CD101: variants seen among roughly 807,000 people sequenced by gnomAD.
CD101 encodes the protein immunoglobulin superfamily member 2.
Under a neutral mutation model 98.2 loss-of-function variants are expected in CD101, and 76 were observed. The ratio of observed to expected loss-of-function variants is 0.77; its 90% CI spans 0.64 to 0.94. CD101 has a LOEUF of 0.94. Ranked by LOEUF, CD101 falls within the 40% of genes least tolerant of loss-of-function variation. The pLI, the probability that CD101 is intolerant of heterozygous loss-of-function variation, is 0.00. For missense variants in CD101, 1,145 were observed against 1,218.8 expected, an observed-to-expected ratio of 0.94 and a Z score of 0.90; for synonymous variants, 471 against 472.7, an observed-to-expected ratio of 1.00 and a Z score of 0.05.
At position 117,005,394 on chromosome 1, in the gene CD101, C is replaced by T. The variant is rs185317513; in HGVS notation, c.43+3534C>T. ...CTTACCCTGAAAACTGCTGCTTCCA[C>T]TCTATTGAAATCCCTTTTACAAAGA... On this transcript the variant is annotated intron_variant, in intron 1 of 9. Transcript: ENST00000682167. This position sits in a 1 kb window ranked among gnomAD's most constrained non-coding sequence, Gnocchi z 4.4. 1.9e-3 allele frequency among the ~76,000 whole-genome samples: 286 copies of T among 152,290 alleles called. 1 individual carries two copies. Among genetic ancestry groups the T allele is most frequent in the Non-Finnish European group, 3.2e-3 (216 of 68,030 alleles).
At chr1:117,024,251 C>T (rs773505788) in intron 7 of CD101, among the ~76,000 whole-genome samples, 3 of 152,160 alleles carry the variant, frequency 2.0e-5, no homozygotes, top group South Asian at 2.1e-4. Flanking sequence ...CCAAGGTGGG[C>T]GGATCACCTG....
At chr1:117,027,507 A>G (rs2764876) in intron 8 of CD101, among the ~76,000 whole-genome samples, 146,129 of 152,240 alleles carry the variant, frequency 0.96, 70,407 homozygotes, top group East Asian at 1. Context: ...ACATATTTTA[A>G]GAACATGAAA....
At chr1:117,028,102 T>TAAAATAAAATAAAATAAAATAAATA (rs112056134) in intron 8 of CD101, among the ~76,000 whole-genome samples, 1 of 145,450 alleles carries the variant, frequency 6.9e-6, no homozygotes, top group Non-Finnish European at 1.5e-5. Context: ...AATAAATAAA[T>TAAAATAAAATAAAATAAAATAAATA]AAATAAAATA....
rs181133896 is a variant in CD101 at position 117,023,921 on chromosome 1, C to G, written c.2429-1588C>G. Among the ~76,000 whole-genome samples the G allele has an allele frequency of 6.6e-6, 1 of 152,122 alleles. No homozygotes were observed. The highest frequency in any genetic ancestry group is 6.5e-5 in the Admixed American group (1 of 15,270). On this transcript the variant is annotated intron_variant, in intron 7 of 9. Coordinates refer to ENST00000682167, the MANE Select transcript of CD101 (RefSeq NM_001256106.3). This position sits in a 1 kb window ranked among gnomAD's most constrained non-coding sequence, Gnocchi z 4.4. ...AAGTCAATTTCAAGGAGAAATTGGA[C>G]TCCAGTAACAAAAACCACATAGAGG...
In CD101 at chr1:117,025,715, A is replaced by G; in HGVS notation, c.2635A>G (p.Arg879Gly). Reference sequence around the variant, plus strand: ...GCTGGAGTATGGGGAAGAGGGGCTCAGGAGGCACCTGCACTGTTACCGTTC... The same window carrying G: ...GCTGGAGTATGGGGAAGAGGGGCTCGGGAGGCACCTGCACTGTTACCGTTC... ...GLLEYGEEGL[R>G]RHLHCYRSSS... Residue 879 changes from arginine to glycine, a missense_variant, in exon 8 of 10, where the codon AGG becomes GGG. Physicochemically the swap from Arg to Gly is moderately radical, Grantham distance 125. Transcript: ENST00000682167. 6.2e-7 allele frequency: 1 copy of G among 1,614,170 alleles called. No homozygotes were observed. The highest frequency in any genetic ancestry group is 8.5e-7 in the Non-Finnish European group (1 of 1,180,032).
chr1:117,035,618 G>A (rs1306732567), intron 9 of CD101, among the ~76,000 whole-genome samples: 4 of 149,588 alleles, frequency 2.7e-5, no homozygotes, highest in Admixed American at 6.7e-5. Flanking sequence ...GGTGTGACCT[G>A]GGCTCACTGC....
chr1:117,007,591 G>A (rs532817712), intron 1 of CD101, among the ~76,000 whole-genome samples: 2 of 152,162 alleles, frequency 1.3e-5, no homozygotes, highest in Non-Finnish European at 2.9e-5. Context: ...CAAGTGATCT[G>A]CCCACCTTGG....
chr1:117,030,665 C>T (rs938371305), intron 8 of CD101, among the ~76,000 whole-genome samples: 13 of 152,192 alleles, frequency 8.5e-5, no homozygotes, highest in African/African-American at 7.2e-5. Flanking sequence ...TGAGCAGGCA[C>T]GTCTTCAGTT....
At chr1:117,008,751 C>G (rs1450782954) in intron 1 of CD101, among the ~76,000 whole-genome samples, 3 of 152,014 alleles carry the variant, frequency 2.0e-5, no homozygotes, top group African/African-American at 7.2e-5. Flanking sequence ...TCTCCTTACT[C>G]TTTGTCCCTG....
intron 5 of CD101, 132 bp downstream of exon 5, chr1:117,017,605 G>A: frequency 1.2e-6 from 1 of 843,722 alleles, no homozygotes; most frequent in Non-Finnish European, 1.8e-6. Flanking sequence ...CTAGTCTCTG[G>A]CTACCCTCTC....
At chr1:117,027,974 A>C (rs1654064648) in intron 8 of CD101, among the ~76,000 whole-genome samples, 1 of 152,014 alleles carries the variant, frequency 6.6e-6, no homozygotes, top group African/African-American at 2.4e-5. Context: ...AATCCCAGCT[A>C]CTCGGGAGGC....
intron 8 of CD101, among the ~76,000 whole-genome samples, chr1:117,028,119 AATAAG>A (rs796759604): frequency 2.0e-4 from 30 of 151,716 alleles, no homozygotes; most frequent in Non-Finnish European, 2.5e-4. Context: ...AATAAAATAA[AATAAG>A]TGAATTGGAG....
At chr1:117,030,403 CAAAGAG>C (rs1654373453) in intron 8 of CD101, among the ~76,000 whole-genome samples, 2 of 127,210 alleles carry the variant, frequency 1.6e-5, no homozygotes. Context: ...AACAAACAAA[CAAAGAG>C]AGAGAGAGAG....
Position 117,011,606 on chromosome 1 carries a change from G to A in CD101, c.481G>A (p.Gly161Ser). 6.2e-7 allele frequency: 1 copy of A among 1,614,078 alleles called. No individual in the cohort carries two copies. The highest frequency in any genetic ancestry group is 8.5e-7 in the Non-Finnish European group (1 of 1,179,984). ...TTCTCAGACTCTCGGTAAGGAGGAA[G>A]GTGAGCCATTAGCCCTCACCTGTGA... ...MSSQTLGKEE[G>S]EPLALTCEAS... Residue 161 changes from glycine (G) to serine (S), a missense_variant, in exon 3 of 10, where the codon GGT becomes AGT. By Grantham distance (56) the Gly-to-Ser change is moderately conservative. Transcript: ENST00000682167.
At position 117,022,561 on chromosome 1, in the gene CD101, G is replaced by A. The variant is rs553809437; in HGVS notation, c.2428+578G>A. 6.6e-6 allele frequency among the ~76,000 whole-genome samples: 1 copy of A among 152,146 alleles called. No homozygotes were observed. Among genetic ancestry groups the A allele is most frequent in the African/African-American group, 2.4e-5 (1 of 41,432 alleles). Reference sequence around the variant, plus strand: ...TCTAAGAGTGCCACTGTCTAAATGTGGGCAGGGTTGATTAGGTCTCTCAGC... The same window carrying A: ...TCTAAGAGTGCCACTGTCTAAATGTAGGCAGGGTTGATTAGGTCTCTCAGC... On this transcript the variant is annotated intron_variant, in intron 7 of 9. Coordinates refer to ENST00000682167, the MANE Select transcript of CD101 (RefSeq NM_001256106.3). This position sits in a 1 kb window ranked among gnomAD's most constrained non-coding sequence, Gnocchi z 4.8.
intron 3 of CD101, among the ~76,000 whole-genome samples, chr1:117,013,192 T>G (rs984115270): frequency 6.6e-6 from 1 of 152,218 alleles, no homozygotes; most frequent in African/African-American, 2.4e-5. Context: ...GAAAACCATG[T>G]GTACTGTCCT....
intron 8 of CD101, chr1:117,032,281 C>G (rs931574016): frequency 6.6e-6 from 1 of 152,150 alleles, no homozygotes; most frequent in Non-Finnish European, 1.5e-5. Flanking sequence ...TCCCTGGGTT[C>G]CCATGTGTGG....
At chr1:117,029,847 G>C in intron 8 of CD101, among the ~76,000 whole-genome samples, 1 of 152,230 alleles carries the variant, frequency 6.6e-6, no homozygotes, top group East Asian at 1.9e-4. Flanking sequence ...GGAAAGTTAA[G>C]AGACATTTTC....
chr1:117,025,989 G>C, intron 8 of CD101, 85 bp downstream of exon 8: 2 of 1,422,832 alleles, frequency 1.4e-6, no homozygotes, highest in Non-Finnish European at 1.9e-6. Context: ...CCTATCTTTT[G>C]CTCCTTCTGA....
Sources: allele counts gnomAD v4.1 joint callset (sites outside exome capture counted in the v4.1 genomes callset), GRCh38; gene constraint gnomAD v4.1.1; non-coding constraint Gnocchi (gnomAD v3.1); transcripts MANE v1.5; gene names NCBI Gene and HGNC (gene_info 2026-07-23, HGNC 2026-07-21).